Variants in TRPM3 observed in about 807,000 individuals in gnomAD.
TRPM3 encodes the protein transient receptor potential cation channel subfamily M member 3.
In TRPM3, 77 loss-of-function variants were observed where a neutral mutation model predicts 181.2. The observed-to-expected ratio is 0.42, with a 90% CI of 0.35 to 0.51. The LOEUF (loss-of-function observed/expected upper bound fraction) is 0.51. Among genes scored for constraint, TRPM3 ranks in the 20% least tolerant of loss-of-function variants. TRPM3 has a pLI of 0.01. For missense variants in TRPM3, 1,759 were observed against 2,196.7 expected, an observed-to-expected ratio of 0.80 and a Z score of 3.98; for synonymous variants, 745 against 796.4, an observed-to-expected ratio of 0.94 and a Z score of 1.09.
At chr9:70,757,498 T>C (rs538878681) in intron 8 of TRPM3, among the ~76,000 whole-genome samples, 2 of 152,234 alleles carry the variant, frequency 1.3e-5, no homozygotes, top group African/African-American at 4.8e-5. Flanking sequence ...GCCAGCATCA[T>C]CCTGATACCA....
intron 1 of TRPM3, among the ~76,000 whole-genome samples, chr9:71,288,962 G>T (rs560785463): frequency 6.6e-6 from 1 of 152,084 alleles, no homozygotes; most frequent in Non-Finnish European, 1.5e-5. Flanking sequence ...CTTTCTAACT[G>T]CAAGTCCAGT....
At chr9:71,161,568 T>C (rs1247759973) in intron 1 of TRPM3, among the ~76,000 whole-genome samples, 2 of 152,162 alleles carry the variant, frequency 1.3e-5, no homozygotes, top group Non-Finnish European at 2.9e-5. Flanking sequence ...TTTGCTGGGT[T>C]AAAACTCTTC....
At chr9:70,577,085 C>G (rs888988751) in intron 22 of TRPM3, among the ~76,000 whole-genome samples, 1 of 152,170 alleles carries the variant, frequency 6.6e-6, no homozygotes, top group African/African-American at 2.4e-5. Context: ...TTATTTTCTC[C>G]CTGGCAGTTA....
chr9:71,107,778 T>C (rs2070051217), intron 1 of TRPM3, among the ~76,000 whole-genome samples: 1 of 152,242 alleles, frequency 6.6e-6, no homozygotes, highest in Admixed American at 6.5e-5. Context: ...TCTGTTGAAA[T>C]ATTAATAATC....
intron 1 of TRPM3, among the ~76,000 whole-genome samples, chr9:71,442,031 T>C (rs924075817): frequency 7.2e-5 from 11 of 152,174 alleles, no homozygotes; most frequent in Non-Finnish European, 1.3e-4. Context: ...CAGAAACGAA[T>C]GGTAGGTTTG....
intron 1 of TRPM3, among the ~76,000 whole-genome samples, chr9:71,272,838 C>T (rs1429296630): frequency 6.6e-6 from 1 of 151,082 alleles, no homozygotes; most frequent in Non-Finnish European, 1.5e-5. Context: ...TAAAAATGTG[C>T]ATGAATTTAT....
At chr9:71,304,964 A>G (rs1053452688) in intron 1 of TRPM3, among the ~76,000 whole-genome samples, 2 of 152,166 alleles carry the variant, frequency 1.3e-5, no homozygotes, top group Admixed American at 6.5e-5. Context: ...AACATTTTTT[A>G]GTAGGTACTA....
In TRPM3 at chr9:71,116,693, G is replaced by C. The variant is rs925104546; in HGVS notation, c.177+4485C>G. Among the ~76,000 whole-genome samples the C allele has an allele frequency of 3.3e-5, 5 of 151,798 alleles. No individual in the cohort carries two copies. In the East Asian group the frequency reaches 9.7e-4, roughly 29 times the overall value. On this transcript the variant is annotated intron_variant, in intron 1 of 25. Transcript: ENST00000677713. ...TTAGGTAATACTTCTGTATCACAAA[G>C]AGAAAGGATAAAAAATAAGAGTTTG...
intron 22 of TRPM3, among the ~76,000 whole-genome samples, chr9:70,557,791 C>G (rs1468794904): frequency 6.6e-6 from 1 of 152,178 alleles, no homozygotes; most frequent in Non-Finnish European, 1.5e-5. Flanking sequence ...TTGCAAGAGG[C>G]AAATGCATGG....
intron 21 of TRPM3, among the ~76,000 whole-genome samples, chr9:70,595,411 C>CGT (rs1424836804): frequency 6.6e-6 from 1 of 152,082 alleles, no homozygotes; most frequent in African/African-American, 2.4e-5. Flanking sequence ...GTCATAACTG[C>CGT]GTGTGTGTGT....
intron 1 of TRPM3, among the ~76,000 whole-genome samples, chr9:70,897,081 C>CT (rs1455578905): frequency 1.4e-5 from 2 of 144,948 alleles, no homozygotes; most frequent in East Asian, 3.9e-4. Context: ...TTTATCATTT[C>CT]TTTGTGTTGA....
At chr9:70,839,469 C>T (rs141458015) in intron 5 of TRPM3, among the ~76,000 whole-genome samples, 1 of 152,262 alleles carries the variant, frequency 6.6e-6, no homozygotes, top group African/African-American at 2.4e-5. Flanking sequence ...ATAGCAATTG[C>T]TGCACTCACT....
intron 7 of TRPM3, among the ~76,000 whole-genome samples, chr9:70,781,567 A>G (rs1306196642): frequency 6.6e-6 from 1 of 152,150 alleles, no homozygotes; most frequent in Non-Finnish European, 1.5e-5. Flanking sequence ...AGTGCATTTG[A>G]ATATTTACAA....
At chr9:71,040,401 C>T (rs1156400812) in intron 1 of TRPM3, among the ~76,000 whole-genome samples, 1 of 152,146 alleles carries the variant, frequency 6.6e-6, no homozygotes, top group African/African-American at 2.4e-5. Flanking sequence ...GTGCCAGCCC[C>T]CAGGACATTA....
chr9:70,805,104 T>A (rs1282001122), intron 6 of TRPM3, among the ~76,000 whole-genome samples: 1 of 151,532 alleles, frequency 6.6e-6, no homozygotes, highest in Admixed American at 6.6e-5. Context: ...TGACAAAAGT[T>A]AAGAGGCTCT....
chr9:71,243,369 T>C (rs1294300140), intron 1 of TRPM3, among the ~76,000 whole-genome samples: 1 of 152,218 alleles, frequency 6.6e-6, no homozygotes, highest in Non-Finnish European at 1.5e-5. Flanking sequence ...AGAGGCTCCT[T>C]CCATCTGCTG....
At chr9:71,046,247 A>C (rs2059426396) in intron 1 of TRPM3, among the ~76,000 whole-genome samples, 1 of 152,094 alleles carries the variant, frequency 6.6e-6, no homozygotes, top group Non-Finnish European at 1.5e-5. Context: ...GGCCTCCCAA[A>C]GTGCTGGGAT....
intron 1 of TRPM3, among the ~76,000 whole-genome samples, chr9:71,199,467 C>A (rs1271700717): frequency 6.6e-6 from 1 of 151,874 alleles, no homozygotes; most frequent in Non-Finnish European, 1.5e-5. Flanking sequence ...CCTCCTTGTA[C>A]CTCTGGTAGA....
At chr9:70,678,783 C>T (rs1013263845) in intron 9 of TRPM3, among the ~76,000 whole-genome samples, 1 of 152,170 alleles carries the variant, frequency 6.6e-6, no homozygotes, top group Non-Finnish European at 1.5e-5. Flanking sequence ...TACATGCCCA[C>T]GCATAATTCA....
Sources: allele counts gnomAD v4.1 joint callset (sites outside exome capture counted in the v4.1 genomes callset), GRCh38; gene constraint gnomAD v4.1.1; transcripts MANE v1.5; gene names NCBI Gene and HGNC (gene_info 2026-07-23, HGNC 2026-07-21).